Variants in KLHL24 observed in about 807,000 individuals in gnomAD.
The protein encoded by KLHL24 is kelch like family member 24, also known as kelch-like protein 24.
In KLHL24, 29 loss-of-function variants were observed where a neutral mutation model predicts 53.4. The ratio of observed to expected loss-of-function variants is 0.54; its 90% confidence interval spans 0.40 to 0.74. The LOEUF (loss-of-function observed/expected upper bound fraction) is 0.74, where lower values mean the gene tolerates loss of function less well. Ranked by LOEUF, KLHL24 falls within the 30% of genes least tolerant of loss-of-function variation. The probability of loss-of-function intolerance (pLI) is 0.00; values close to 1 mark genes in which losing one functional copy is unlikely to be tolerated. For synonymous variants in KLHL24, 222 were observed against 253.7 expected (o/e 0.88, Z 1.19); for missense variants, 504 against 744.0 (o/e 0.68, Z 3.75).
At chr3:183,643,805 TG>T (rs892571650) in intron 2 of KLHL24, among the ~76,000 whole-genome samples, 1 of 152,206 alleles carries the variant, frequency 6.6e-6, no homozygotes, top group African/African-American at 2.4e-5. Flanking sequence ...TCATTATGTT[TG>T]TTTGGAAAGA....
At chr3:183,660,285 C>T (rs1488107596) in intron 3 of KLHL24, among the ~76,000 whole-genome samples, 1 of 152,026 alleles carries the variant, frequency 6.6e-6, no homozygotes, top group Non-Finnish European at 1.5e-5. Context: ...GGCACGCCAC[C>T]ATGCCTGACT....
Position 183,647,724 on chromosome 3 carries a change from C to T in KLHL24, c.-61-2572C>T, listed in dbSNP as rs899392904. Among the ~76,000 whole-genome samples, 64 of 151,334 alleles carry T rather than the reference C, an allele frequency of 4.2e-4. 1 individual carries two copies. Among genetic ancestry groups the T allele is most frequent in the Admixed American group, 4.2e-3 (64 of 15,184 alleles). On this transcript the variant is annotated intron_variant, in intron 2 of 7. Coordinates refer to ENST00000242810, the MANE Select transcript of KLHL24 (RefSeq NM_017644.3). Reference sequence around the variant, plus strand: ...CTGAAACAAAACAAAACATAACAGGCTGAGCGCAGTGGCTCACGCCTGTAA... The same window carrying T: ...CTGAAACAAAACAAAACATAACAGGTTGAGCGCAGTGGCTCACGCCTGTAA...
intron 5 of KLHL24, among the ~76,000 whole-genome samples, chr3:183,666,462 A>G (rs1441973599): frequency 6.6e-6 from 1 of 151,996 alleles, no homozygotes; most frequent in East Asian, 1.9e-4. Context: ...GGGTTTCTCC[A>G]CATTGCCCAG....
chr3:183,667,449 C>T (rs1472856886), intron 5 of KLHL24, among the ~76,000 whole-genome samples: 1 of 152,166 alleles, frequency 6.6e-6, no homozygotes, highest in African/African-American at 2.4e-5. Flanking sequence ...GCCTCAACTC[C>T]ACCTCCTGTC....
intron 7 of KLHL24, among the ~76,000 whole-genome samples, chr3:183,677,817 G>GT (rs1216587308): frequency 2.0e-5 from 3 of 151,946 alleles, no homozygotes; most frequent in Non-Finnish European, 2.9e-5. Flanking sequence ...TTGAGACGGA[G>GT]TTTCGCTCTT....
At position 183,683,590 on chromosome 3, in the gene KLHL24, C is replaced by A. The variant is rs953948010; in HGVS notation, c.*4304C>A. The A allele has an allele frequency of 1.3e-5, 2 of 152,540 alleles. No homozygotes were observed. The highest frequency in any genetic ancestry group is 6.5e-5 in the Admixed American group (1 of 15,268). The allele number at this position is 152,540 out of a possible 1,614,324, so 9.4% of individuals were successfully genotyped here. On this transcript the variant is annotated 3_prime_UTR_variant, in exon 8 of 8. Transcript: ENST00000242810. ...GTGTGAATGAATAATTCCAGAGACA[C>A]TTTAGACATTTTTTAATGTTTTATA...
At chr3:183,655,268 T>C (rs975199316) in intron 3 of KLHL24, among the ~76,000 whole-genome samples, 2 of 152,142 alleles carry the variant, frequency 1.3e-5, no homozygotes, top group Non-Finnish European at 1.5e-5. Flanking sequence ...GCCCTGCCAG[T>C]TGTAAACCCT....
intron 3 of KLHL24, among the ~76,000 whole-genome samples, chr3:183,657,138 C>A (rs1397204761): frequency 6.6e-6 from 1 of 152,084 alleles, no homozygotes; most frequent in Non-Finnish European, 1.5e-5. Context: ...TAATGATTCC[C>A]TGGAAAGAGT....
At chr3:183,651,945 C>CAA (rs58223453) in intron 3 of KLHL24, among the ~76,000 whole-genome samples, 42,433 of 142,328 alleles carry the variant, frequency 0.3, 7,111 homozygotes, top group African/African-American at 0.48. Flanking sequence ...GACTCTGTCT[C>CAA]AAAAAAAAAA....
intron 1 of KLHL24, among the ~76,000 whole-genome samples, chr3:183,640,436 C>T (rs1487213038): frequency 7.2e-5 from 11 of 152,134 alleles, no homozygotes; most frequent in African/African-American, 2.4e-4. Context: ...TTGTCATCAA[C>T]AGCTATCTGT....
chr3:183,652,148 A>G (rs1718210607), intron 3 of KLHL24, among the ~76,000 whole-genome samples: 1 of 152,190 alleles, frequency 6.6e-6, no homozygotes, highest in South Asian at 2.1e-4. Flanking sequence ...CTTTTTTCTG[A>G]ATGTGAAAAT....
chr3:183,660,275 G>C (rs994815891), intron 3 of KLHL24, among the ~76,000 whole-genome samples: 2 of 151,786 alleles, frequency 1.3e-5, no homozygotes, highest in African/African-American at 4.8e-5. Flanking sequence ...TGGGACTATA[G>C]GCACGCCACC....
Position 183,650,906 on chromosome 3 carries a change from T to C in KLHL24, c.550T>C (p.Phe184Leu). The C allele has an allele frequency of 1.2e-6, 2 of 1,614,208 alleles. No homozygotes were observed. Among genetic ancestry groups the C allele is most frequent in the South Asian group, 2.2e-5 (2 of 91,086 alleles). The change falls in exon 3 of 8, where the codon TTC (phenylalanine) becomes CTC (leucine). Residue 184 changes from phenylalanine (F) to leucine (L), a missense_variant. Phe to Leu is a conservative substitution (Grantham distance 22). Coordinates refer to ENST00000242810, the MANE Select transcript of KLHL24 (RefSeq NM_017644.3). This position sits in a 1 kb window ranked among gnomAD's most constrained non-coding sequence, Gnocchi z 4.5. ...FADTHSLKTL[F>L]TKCKNFALQT... is the part of the protein sequence containing the mutation. Reference sequence around the variant, plus strand: ...TGATACCCATTCACTCAAAACACTCTTCACAAAATGCAAAAATTTTGCGTT... The same window carrying C: ...TGATACCCATTCACTCAAAACACTCCTCACAAAATGCAAAAATTTTGCGTT...
intron 5 of KLHL24, among the ~76,000 whole-genome samples, chr3:183,667,947 A>G (rs1720808406): frequency 6.6e-6 from 1 of 151,258 alleles, no homozygotes; most frequent in South Asian, 2.1e-4. Flanking sequence ...TCCTGGGTTC[A>G]AGCCATCCTC....
In KLHL24 at chr3:183,662,829, A is replaced by G. The variant is rs1462485125; in HGVS notation, c.921-629A>G. 2.0e-5 allele frequency among the ~76,000 whole-genome samples: 3 copies of G among 152,314 alleles called. No individual in the cohort carries two copies. In the East Asian group the frequency reaches 5.8e-4, roughly 29 times the overall value. ...AGATACATTTTTTAGATAGTATTGA[A>G]TATGCCTAATGTACAGTTTTTCATC... On this transcript the variant is annotated intron_variant, in intron 3 of 7. Coordinates refer to ENST00000242810, the MANE Select transcript of KLHL24 (RefSeq NM_017644.3).
intron 3 of KLHL24, among the ~76,000 whole-genome samples, chr3:183,651,893 G>C (rs1718171023): frequency 6.6e-6 from 1 of 151,654 alleles, no homozygotes; most frequent in African/African-American, 2.4e-5. Context: ...AGGATGCTGT[G>C]AGCCATGCTC....
chr3:183,678,679 C>T (rs1248699511), intron 7 of KLHL24, among the ~76,000 whole-genome samples: 3 of 152,150 alleles, frequency 2.0e-5, no homozygotes, highest in African/African-American at 7.2e-5. Context: ...CAACTCTGCA[C>T]CTTCTGAAAG....
chr3:183,663,055 A>G lies in KLHL24; in HGVS notation c.921-403A>G, dbSNP rs1179599141. Among the ~76,000 whole-genome samples, 1 of 152,212 alleles carries G rather than the reference A, an allele frequency of 6.6e-6. No homozygotes were observed. Among genetic ancestry groups the G allele is most frequent in the Non-Finnish European group, 1.5e-5 (1 of 68,034 alleles). On this transcript the variant is annotated intron_variant, in intron 3 of 7. Transcript: ENST00000242810. The surrounding 1 kb of genome is among the most constrained non-coding windows in gnomAD (Gnocchi z 4.9). The stretch of plus-strand genomic sequence containing the variant: ...TTTAGAACTAGCAAGCTGATGAAAG[A>G]GCACCATTTTCCTACAGTTAGAAAA...
rs756611656 is a variant in KLHL24 at position 183,672,497 on chromosome 3, A to C, written c.1602+13A>C. The C allele has an allele frequency of 6.4e-7, 1 of 1,566,362 alleles. No individual in the cohort carries two copies. Among genetic ancestry groups the C allele is most frequent in the African/African-American group, 1.4e-5 (1 of 73,246 alleles). ...ATTCAGCCGTCAGGTAATAACATAAAGCAGTACAAAAGAAAAATAAATCTA... is the reference window on the plus strand; with the variant it reads ...ATTCAGCCGTCAGGTAATAACATAACGCAGTACAAAAGAAAAATAAATCTA... On this transcript the variant is annotated intron_variant, in intron 7 of 7. Coordinates refer to ENST00000242810, the MANE Select transcript of KLHL24 (RefSeq NM_017644.3).
Sources: gnomAD v4.1 joint callset for allele counts (sites outside exome capture counted in the v4.1 genomes callset) on GRCh38, gnomAD v4.1.1 for gene constraint, Gnocchi (gnomAD v3.1) non-coding constraint, MANE v1.5 for transcripts, NCBI Gene and HGNC (gene_info 2026-07-23, HGNC 2026-07-21) for gene names.